CHMP5: variants seen among roughly 807,000 people sequenced by gnomAD.
CHMP5 encodes the protein SNF7 domain containing 2.
In CHMP5, 17 loss-of-function variants were observed where a neutral mutation model predicts 33.0. The ratio of observed to expected loss-of-function variants is 0.52; its 90% CI spans 0.35 to 0.77. CHMP5 has a LOEUF of 0.77. Ranked by LOEUF, CHMP5 falls within the 30% of genes least tolerant of loss-of-function variation. The pLI, the probability that CHMP5 is intolerant of heterozygous loss-of-function variation, is 0.01. For synonymous variants in CHMP5, 76 were observed against 90.2 expected (o/e 0.84, Z 0.89); for missense variants, 216 against 261.5 (o/e 0.83, Z 1.20).
At chr9:33,274,682 C>T (rs1290475172) in intron 5 of CHMP5, among the ~76,000 whole-genome samples, 4 of 152,270 alleles carry the variant, frequency 2.6e-5, no homozygotes, top group Middle Eastern at 3.4e-3. Context: ...GTGGCGCGAT[C>T]TCGGCTCACT....
intron 3 of CHMP5, 111 bp downstream of exon 3, chr9:33,268,010 A>G: frequency 1.3e-6 from 1 of 745,448 alleles, no homozygotes; most frequent in Admixed American, 2.5e-5. Flanking sequence ...TTTAATTACA[A>G]ATTTTCATTG....
intron 5 of CHMP5, 109 bp from the exon 6 acceptor site, chr9:33,276,347 A>C (rs1820854283): frequency 1.6e-6 from 1 of 623,102 alleles, no homozygotes; most frequent in Non-Finnish European, 2.8e-6. Context: ...TATATACATT[A>C]TCTTTTTAAA....
At chr9:33,276,346 T>A in intron 5 of CHMP5, 110 bp from the exon 6 acceptor site, 1 of 621,454 alleles carries the variant, frequency 1.6e-6, no homozygotes, top group South Asian at 2.0e-5. Context: ...TTATATACAT[T>A]ATCTTTTTAA....
At chr9:33,275,687 T>C (rs987713557) in intron 5 of CHMP5, among the ~76,000 whole-genome samples, 1 of 152,178 alleles carries the variant, frequency 6.6e-6, no homozygotes, top group Non-Finnish European at 1.5e-5. Flanking sequence ...TATTCTCACA[T>C]AGGACTTTGG....
chr9:33,269,013 T>A (rs554580742), intron 3 of CHMP5, among the ~76,000 whole-genome samples: 1 of 152,248 alleles, frequency 6.6e-6, no homozygotes, highest in Non-Finnish European at 1.5e-5. Flanking sequence ...ATTATAATAT[T>A]CTACCATTTG....
In CHMP5 at chr9:33,278,167, A is replaced by G; in HGVS notation, c.551A>G (p.Asp184Gly). ...GCTGATGAAGACAGTTCTTATTTGG[A>G]TGAGGCAGCATCTGCACCTGCAATT... ...LLADEDSSYL[D>G]EAASAPAIPE... is the part of the protein sequence containing the mutation. The change falls in exon 7 of 8, where the codon GAT becomes GGT. Residue 184 changes from aspartate to glycine, a missense_variant. Asp to Gly is a moderately conservative substitution (Grantham distance 94). Transcript: ENST00000223500. 1 of 1,613,556 alleles carries G rather than the reference A, an allele frequency of 6.2e-7. No individual in the cohort carries two copies. Among genetic ancestry groups the G allele is most frequent in the Non-Finnish European group, 8.5e-7 (1 of 1,179,734 alleles).
At chr9:33,267,788 G>A in intron 2 of CHMP5, 65 bp from the exon 3 acceptor site, 1 of 1,073,800 alleles carries the variant, frequency 9.3e-7, no homozygotes, top group Non-Finnish European at 1.4e-6. Flanking sequence ...TGAGGCTATG[G>A]GAAATTTCTT....
Position 33,266,122 on chromosome 9 carries a change from G to A in CHMP5, c.174+8G>A. 6.3e-7 allele frequency: 1 copy of A among 1,583,510 alleles called. No homozygotes were observed. The highest frequency in any genetic ancestry group is 8.7e-7 in the Non-Finnish European group (1 of 1,152,932). Reference sequence around the variant, plus strand: ...AGAGAGGGTCCTGCAAAGGTAAGGTGGGCAGCAACTGCTGCACAAGGTGCT... The same window carrying A: ...AGAGAGGGTCCTGCAAAGGTAAGGTAGGCAGCAACTGCTGCACAAGGTGCT... On this transcript the variant is annotated splice_region_variant and intron_variant, in intron 2 of 7. Transcript: ENST00000223500.
chr9:33,270,805 G>T, intron 4 of CHMP5, 89 bp downstream of exon 4: 2 of 1,085,024 alleles, frequency 1.8e-6, no homozygotes, highest in East Asian at 2.4e-5. Flanking sequence ...TAACCAGCCA[G>T]GCACAGTGGC....
At chr9:33,271,099 A>G in intron 4 of CHMP5, 53 bp from the exon 5 acceptor site, 1 of 1,345,716 alleles carries the variant, frequency 7.4e-7, no homozygotes, top group Non-Finnish European at 1.1e-6. Context: ...AATAAAGACA[A>G]TTTAACCAAC....
chr9:33,269,374 T>C (rs895871758), intron 3 of CHMP5, among the ~76,000 whole-genome samples: 6 of 152,142 alleles, frequency 3.9e-5, no homozygotes, highest in African/African-American at 1.4e-4. Flanking sequence ...CGTGTTTGCA[T>C]GCGCTTGTAA....
chr9:33,269,844 A>C (rs766494350), intron 3 of CHMP5, among the ~76,000 whole-genome samples: 32 of 151,544 alleles, frequency 2.1e-4, no homozygotes, highest in Non-Finnish European at 3.8e-4. Flanking sequence ...GTGGTGGCGC[A>C]TGCCTGTGAT....
In CHMP5 at chr9:33,280,247, G is replaced by C. The variant is rs1448841772; in HGVS notation, c.610-562G>C. Reference sequence around the variant, plus strand: ...CTGCTTCAGCCTCCCAAAGTGCTGGGATTACAGGCCTGAGCCACCGCGCCC... The same window carrying C: ...CTGCTTCAGCCTCCCAAAGTGCTGGCATTACAGGCCTGAGCCACCGCGCCC... On this transcript the variant is annotated intron_variant, in intron 7 of 7. Coordinates refer to ENST00000223500, the MANE Select transcript of CHMP5 (RefSeq NM_016410.6). Among the ~76,000 whole-genome samples, 15 of 152,316 alleles carry C rather than the reference G, an allele frequency of 9.8e-5. No individual in the cohort carries two copies. The East Asian group carries it at 2.9e-3, about 29-fold the overall frequency.
Position 33,281,553 on chromosome 9 carries a change from T to C in CHMP5, c.*694T>C, listed in dbSNP as rs985809350. On this transcript the variant is annotated 3_prime_UTR_variant, in exon 8 of 8. Coordinates refer to ENST00000223500, the MANE Select transcript of CHMP5 (RefSeq NM_016410.6). ...TATCACTTCAGCTTAAAACCTCTACTGCGGAAACCAAATTTAATAGAATTT... is the reference window on the plus strand; with the variant it reads ...TATCACTTCAGCTTAAAACCTCTACCGCGGAAACCAAATTTAATAGAATTT... 2.6e-5 allele frequency: 4 copies of C among 152,626 alleles called. No individual in the cohort carries two copies. Among genetic ancestry groups the C allele is most frequent in the African/African-American group, 9.6e-5 (4 of 41,474 alleles). The allele number at this position is 152,626 out of a possible 1,614,324, so 9.5% of individuals were successfully genotyped here. A position where few individuals can be genotyped will look rare whatever the true frequency, so the allele number is the denominator to read the frequency against.
chr9:33,269,245 C>T (rs889293497), intron 3 of CHMP5, among the ~76,000 whole-genome samples: 2 of 152,150 alleles, frequency 1.3e-5, no homozygotes, highest in African/African-American at 4.8e-5. Context: ...TGGCTCACAC[C>T]TATAATCCCA....
intron 6 of CHMP5, among the ~76,000 whole-genome samples, chr9:33,277,386 G>A (rs1355053064): frequency 6.6e-6 from 1 of 152,058 alleles, no homozygotes; most frequent in Non-Finnish European, 1.5e-5. Flanking sequence ...CAGACTATAG[G>A]GAAGAAGTAT....
chr9:33,270,891 G>A (rs866627368), intron 4 of CHMP5, among the ~76,000 whole-genome samples, 175 bp downstream of exon 4: 7 of 152,150 alleles, frequency 4.6e-5, no homozygotes, highest in South Asian at 4.1e-4. Context: ...AGACCAGCCT[G>A]ACCAACATGG....
At chr9:33,280,603 C>T (rs994127308) in intron 7 of CHMP5, among the ~76,000 whole-genome samples, 1 of 152,174 alleles carries the variant, frequency 6.6e-6, no homozygotes, top group African/African-American at 2.4e-5. Context: ...GGAGGAGCCC[C>T]CTTTTGGCCC....
At chr9:33,277,824 C>T (rs1157850668) in intron 6 of CHMP5, 7 of 261,694 alleles carry the variant, frequency 2.7e-5, no homozygotes, top group Non-Finnish European at 5.3e-5. Context: ...TCTATTTTTG[C>T]CTAGAACCTT....
Sources: allele counts gnomAD v4.1 joint callset (sites outside exome capture counted in the v4.1 genomes callset), GRCh38; gene constraint gnomAD v4.1.1; transcripts MANE v1.5; gene names NCBI Gene and HGNC (gene_info 2026-07-23, HGNC 2026-07-21).